The following CALN1 variants were observed in gnomAD, a reference collection of about 807,000 sequenced individuals.
The protein encoded by CALN1 is calneuron 1.
A neutral mutation model predicts 30.6 loss-of-function variants in CALN1; 17 were observed. The observed-to-expected ratio is 0.56, with a 90% CI of 0.38 to 0.83. The LOEUF (loss-of-function observed/expected upper bound fraction) is 0.83, where lower values mean the gene tolerates loss of function less well. Ranked by LOEUF, CALN1 falls within the 40% of genes least tolerant of loss-of-function variation. The pLI is 0.00. For missense variants in CALN1, 291 were observed against 354.9 expected (o/e 0.82, Z 1.45); for synonymous variants, 156 against 131.4 (o/e 1.19, Z -1.28).
chr7:71,817,545 T>C (rs1788336148), intron 5 of CALN1, among the ~76,000 whole-genome samples: 1 of 152,270 alleles, frequency 6.6e-6, no homozygotes, highest in Non-Finnish European at 1.5e-5. Context: ...AGACGGAGTC[T>C]CGCTCTGTCG....
chr7:72,337,639 G>C (rs148271281), intron 2 of CALN1: 13 of 152,868 alleles, frequency 8.5e-5, no homozygotes, highest in African/African-American at 3.1e-4. Flanking sequence ...CTAGATCCAC[G>C]ATTACACCTG....
At chr7:72,158,750 G>C (rs771218343) in intron 3 of CALN1, among the ~76,000 whole-genome samples, 3 of 152,178 alleles carry the variant, frequency 2.0e-5, no homozygotes, top group Non-Finnish European at 1.5e-5. Context: ...GTAGTGGAGC[G>C]AGTAGTTTGA....
upstream of CALN1, among the ~76,000 whole-genome samples, chr7:72,450,182 G>A (rs1014694440): frequency 1.3e-5 from 2 of 152,132 alleles, no homozygotes; most frequent in African/African-American, 2.4e-5. Context: ...CTCCAGCCTG[G>A]GCAACAGAGT....
At chr7:72,485,240 G>T in the CALN1 span, among the ~76,000 whole-genome samples, 1 of 152,098 alleles carries the variant, frequency 6.6e-6, no homozygotes, top group Non-Finnish European at 1.5e-5. Flanking sequence ...GGGCAACAGA[G>T]CAAGACTCTT....
At chr7:72,141,162 G>T (rs1809905654) in intron 3 of CALN1, among the ~76,000 whole-genome samples, 1 of 152,186 alleles carries the variant, frequency 6.6e-6, no homozygotes, top group Admixed American at 6.5e-5. Context: ...ACTGGATGCG[G>T]TAGCTCATAC....
At chr7:72,079,650 C>T (rs73124360) in intron 4 of CALN1, among the ~76,000 whole-genome samples, 31,069 of 151,522 alleles carry the variant, frequency 0.21, 3,428 homozygotes, top group Admixed American at 0.28. Flanking sequence ...TGGTCGTAGT[C>T]GCTTCTGTTG....
At chr7:71,988,442 G>A (rs1282858950) in intron 5 of CALN1, among the ~76,000 whole-genome samples, 2 of 152,124 alleles carry the variant, frequency 1.3e-5, no homozygotes. Flanking sequence ...GGCATAGCCG[G>A]TGCCCCAAGC....
chr7:71,859,924 A>G (rs1250252194), intron 5 of CALN1, among the ~76,000 whole-genome samples: 1 of 152,170 alleles, frequency 6.6e-6, no homozygotes, highest in East Asian at 1.9e-4. Flanking sequence ...GATTGATAAC[A>G]TTTACTAAAC....
At chr7:72,360,593 C>T (rs1803512962) in intron 2 of CALN1, among the ~76,000 whole-genome samples, 1 of 149,284 alleles carries the variant, frequency 6.7e-6, no homozygotes, top group Non-Finnish European at 1.5e-5. Flanking sequence ...TACTGTAACA[C>T]TTTTTCTTTT....
chr7:72,241,152 CAAGT>C (rs1794802109), intron 3 of CALN1, among the ~76,000 whole-genome samples: 1 of 152,140 alleles, frequency 6.6e-6, no homozygotes, highest in African/African-American at 2.4e-5. Flanking sequence ...AGTTTTAGTT[CAAGT>C]AAGTTGGCTT....
At chr7:72,092,425 T>G (rs1805926484) in intron 4 of CALN1, among the ~76,000 whole-genome samples, 1 of 151,374 alleles carries the variant, frequency 6.6e-6, no homozygotes, top group Admixed American at 6.6e-5. Flanking sequence ...GGTACAAAAT[T>G]TATAACACAC....
intron 3 of CALN1, among the ~76,000 whole-genome samples, chr7:72,240,527 C>T (rs1478842441): frequency 2.0e-5 from 3 of 152,138 alleles, no homozygotes; most frequent in Non-Finnish European, 4.4e-5. Context: ...AAGCCAGTGT[C>T]TAACAAACAC....
chr7:71,782,568 T>A lies in CALN1; in HGVS notation c.*5207A>T, dbSNP rs1034783321. The A allele has an allele frequency of 6.6e-6, 1 of 152,162 alleles. No individual in the cohort carries two copies. The highest frequency in any genetic ancestry group is 1.5e-5 in the Non-Finnish European group (1 of 68,036). The allele number at this position is 152,162 out of a possible 1,614,324, so 9.4% of individuals were successfully genotyped here. ...ACCTATTTATGGCAGGGCCAAAAAA[T>A]TGAGGACAATCCCGAGTGACTTAGT... On this transcript the variant is annotated 3_prime_UTR_variant, in exon 7 of 7. Coordinates refer to ENST00000395275, the MANE Select transcript of CALN1 (RefSeq NM_031468.4).
At chr7:72,186,761 T>C (rs1291974989) in intron 3 of CALN1, among the ~76,000 whole-genome samples, 1 of 152,126 alleles carries the variant, frequency 6.6e-6, no homozygotes, top group African/African-American at 2.4e-5. Context: ...TTTACAGTTG[T>C]GTAGTATTCT....
upstream of CALN1, among the ~76,000 whole-genome samples, chr7:72,413,201 T>TCACACA (rs59261666): frequency 2.2e-4 from 33 of 151,176 alleles, no homozygotes; most frequent in Non-Finnish European, 3.5e-4. Flanking sequence ...GCCCACCCAC[T>TCACACA]CACACACACA....
chr7:72,381,935 TG>T (rs755438274), intron 2 of CALN1, among the ~76,000 whole-genome samples: 14 of 152,116 alleles, frequency 9.2e-5, no homozygotes, highest in African/African-American at 3.4e-4. Context: ...ATAAGAAAAA[TG>T]CTTAAGAAGT....
intron 3 of CALN1, among the ~76,000 whole-genome samples, chr7:72,218,504 T>C (rs1285874736): frequency 6.6e-6 from 1 of 152,078 alleles, no homozygotes; most frequent in Non-Finnish European, 1.5e-5. Flanking sequence ...AACAATGAAG[T>C]GCCCAGCTCA....
chr7:72,163,391 T>TAAAAAAAAAAAAAAAAAAAAA (rs1563111506), intron 3 of CALN1, among the ~76,000 whole-genome samples: 2 of 130,436 alleles, frequency 1.5e-5, no homozygotes, highest in African/African-American at 5.7e-5. Flanking sequence ...TTATTGGAGA[T>TAAAAAAAAAAAAAAAAAAAAA]TAAAAAAAAA....
At chr7:72,012,897 G>C (rs1362567717) in intron 5 of CALN1, among the ~76,000 whole-genome samples, 2 of 152,172 alleles carry the variant, frequency 1.3e-5, no homozygotes, top group African/African-American at 4.8e-5. Flanking sequence ...CGGGGTTCAA[G>C]CAATTCTCCT....
Sources: gnomAD v4.1 joint callset for allele counts (sites outside exome capture counted in the v4.1 genomes callset) on GRCh38, gnomAD v4.1.1 for gene constraint, MANE v1.5 for transcripts, NCBI Gene and HGNC (gene_info 2026-07-23, HGNC 2026-07-21) for gene names.